Variants in ZNF780A observed in about 807,000 individuals in gnomAD.
ZNF780A encodes zinc finger protein 780A.
A neutral mutation model predicts 56.7 loss-of-function variants in ZNF780A; 40 were observed. That is an observed-to-expected ratio of 0.71 (90% confidence interval 0.55 to 0.92). The LOEUF is 0.92. Among genes scored for constraint, ZNF780A ranks in the 40% least tolerant of loss-of-function variants. The pLI is 0.00. For missense variants in ZNF780A, 672 were observed against 783.3 expected (o/e 0.86, Z 1.70); for synonymous variants, 231 against 248.3 (o/e 0.93, Z 0.66).
At position 40,075,235 on chromosome 19, in the gene ZNF780A, T is replaced by G. The variant is rs1403942395; in HGVS notation, c.1207A>C (p.Asn403His). 6.2e-7 allele frequency: 1 copy of G among 1,613,172 alleles called. No homozygotes were observed. The highest frequency in any genetic ancestry group is 2.2e-5 in the East Asian group (1 of 44,770). ...TGAATACTCTGATGTTGAACAAGGT[T>G]TGAGCTACGATTAAAGGACTTCCCA... is the stretch of plus-strand genomic sequence containing the variant. ...ECGKSFNRSS[N>H]LVQHQSIHAG... is the part of the protein sequence containing the mutation. Residue 403 changes from asparagine to histidine, a missense_variant, in exon 6 of 6, where the codon AAC becomes CAC. Asn to His is a moderately conservative substitution (Grantham distance 68). Transcript: ENST00000683561.
chr19:40,077,648 A>C (rs903266552), intron 5 of ZNF780A, among the ~76,000 whole-genome samples: 1 of 152,134 alleles, frequency 6.6e-6, no homozygotes, highest in East Asian at 1.9e-4. Flanking sequence ...ATAAAACTTC[A>C]CCATACCCTC....
At position 40,081,958 on chromosome 19, in the gene ZNF780A, T is replaced by A. The variant is rs75481568; in HGVS notation, c.137-44A>T. The A allele has an allele frequency of 1.4e-5, 13 of 945,810 alleles. No homozygotes were observed. In the African/African-American group the frequency reaches 2.3e-4, roughly 17 times the overall value. 58.6% of individuals were successfully genotyped at this position (945,810 alleles called of 1,614,324 possible). ...ACATGTAGAATTTTTTTAATACAGA[T>A]TTTTTTTTTTCAAATCTTTGTGACC... On this transcript the variant is annotated intron_variant, in intron 4 of 5. Coordinates refer to ENST00000683561, the MANE Select transcript of ZNF780A (RefSeq NM_001142578.2).
At chr19:40,089,142 T>C (rs1240306941) in intron 2 of ZNF780A, 3 of 929,714 alleles carry the variant, frequency 3.2e-6, no homozygotes, top group Non-Finnish European at 4.4e-6. Flanking sequence ...CAATATTCTG[T>C]AGTCTTGAAA....
In ZNF780A at chr19:40,074,742, C is replaced by T. The variant is rs376140698; in HGVS notation, c.1700G>A (p.Arg567Gln). 112 of 1,613,856 alleles carry T rather than the reference C, an allele frequency of 6.9e-5. 1 individual carries two copies. Among genetic ancestry groups the T allele is most frequent in the Non-Finnish European group, 8.4e-5 (99 of 1,179,928 alleles). ...ATGTCGAATAAGGTGCATATGAAGTCGAAAGGCTTTCCCACATTCCTTACA... is the reference window on the plus strand; with the variant it reads ...ATGTCGAATAAGGTGCATATGAAGTTGAAAGGCTTTCCCACATTCCTTACA... ...FECKECGKAF[R>Q]LHMHLIRHQK... Residue 567 changes from arginine to glutamine, a missense_variant, in exon 6 of 6, where the codon CGA becomes CAA. Coordinates refer to ENST00000683561, the MANE Select transcript of ZNF780A (RefSeq NM_001142578.2).
chr19:40,075,011 G>A lies in ZNF780A; in HGVS notation c.1431C>T (p.Asp477=), dbSNP rs1313739227. 3.7e-6 allele frequency: 6 copies of A among 1,613,390 alleles called. No homozygotes were observed. Among genetic ancestry groups the A allele is most frequent in the Admixed American group, 1.7e-5 (1 of 59,954 alleles). Residue 477 remains aspartate (D), a synonymous_variant, in exon 6 of 6, where the codon GAC becomes GAT. Coordinates refer to ENST00000683561, the MANE Select transcript of ZNF780A (RefSeq NM_001142578.2). ...HTGDKPFECQ[D]CGKAFNRGSS... is the part of the protein sequence containing the mutation. ...AGCCACGATTGAAGGCCTTCCCACA[G>A]TCTTGACATTCAAATGGCTTGTCAC...
downstream of ZNF780A, chr19:40,072,536 G>A (rs945912306): frequency 1.3e-4 from 25 of 195,364 alleles, no homozygotes; most frequent in African/African-American, 5.3e-4. Context: ...AGAGCACAGC[G>A]GGAGGGACAA....
chr19:40,082,064 A>T, intron 4 of ZNF780A, 150 bp from the exon 5 acceptor site: 1 of 505,944 alleles, frequency 2.0e-6, no homozygotes, highest in Non-Finnish European at 3.5e-6. Context: ...GAGTAAGAGA[A>T]CTCTTTTCTA....
intron 2 of ZNF780A, chr19:40,089,233 T>C (rs1974994731): frequency 7.1e-7 from 1 of 1,412,850 alleles, no homozygotes. Flanking sequence ...ATTAGCTAGA[T>C]TTAGTCATTC....
intron 2 of ZNF780A, among the ~76,000 whole-genome samples, chr19:40,085,753 G>C (rs575012324): frequency 2.0e-5 from 3 of 152,018 alleles, no homozygotes; most frequent in Non-Finnish European, 4.4e-5. Context: ...GGTGGTGCAT[G>C]CCTATAATCC....
Position 40,075,340 on chromosome 19 carries a change from T to C in ZNF780A, c.1102A>G (p.Lys368Glu). The C allele has an allele frequency of 6.2e-7, 1 of 1,614,068 alleles. No individual in the cohort carries two copies. The highest frequency in any genetic ancestry group is 1.1e-5 in the South Asian group (1 of 91,076). ...AGCTGGTTGAGAAGACTAAAGGCCT[T>C]CCCACATTCCCTGCATTCAAAGGGT... ...EKPFECRECG[K>E]AFSLLNQLNR... Residue 368 changes from lysine (K) to glutamate (E), a missense_variant, in exon 6 of 6, where the codon AAG (lysine) becomes GAG (glutamate). Physicochemically the swap from Lys to Glu is moderately conservative, Grantham distance 56. Coordinates refer to ENST00000683561, the MANE Select transcript of ZNF780A (RefSeq NM_001142578.2).
At chr19:40,081,957 ATT>A (rs34297473) in intron 4 of ZNF780A, 43 bp from the exon 5 acceptor site, 75 of 1,265,126 alleles carry the variant, frequency 5.9e-5, no homozygotes, top group Non-Finnish European at 7.1e-5. Context: ...TTTAATACAG[ATT>A]TTTTTTTTTC....
downstream of ZNF780A, chr19:40,071,409 C>G (rs924855050): frequency 2.0e-5 from 3 of 152,098 alleles, no homozygotes; most frequent in Non-Finnish European, 4.4e-5. Flanking sequence ...AGGTTCCAGA[C>G]AAAATAATCT....
chr19:40,070,789 T>C (rs1001571550), downstream of ZNF780A: 2 of 152,160 alleles, frequency 1.3e-5, no homozygotes, highest in African/African-American at 4.8e-5. Context: ...TGCATGATGA[T>C]AGAGTTTCAC....
chr19:40,075,222 T>G lies in ZNF780A; in HGVS notation c.1220A>C (p.His407Pro). The change falls in exon 6 of 6, where the codon CAT (histidine) becomes CCT (proline). Residue 407 changes from histidine (H) to proline (P), a missense_variant. Physicochemically the swap from His to Pro is moderately conservative, Grantham distance 77. Coordinates refer to ENST00000683561, the MANE Select transcript of ZNF780A (RefSeq NM_001142578.2). ...SFNRSSNLVQ[H>P]QSIHAGIKPY... ...TTTTATACCAGCATGAATACTCTGA[T>G]GTTGAACAAGGTTTGAGCTACGATT... is the stretch of plus-strand genomic sequence containing the variant. The G allele has an allele frequency of 1.9e-6, 3 of 1,613,562 alleles. No homozygotes were observed. The highest frequency in any genetic ancestry group is 2.5e-6 in the Non-Finnish European group (3 of 1,179,904).
In ZNF780A at chr19:40,073,537, T is replaced by A; in HGVS notation, c.*979A>T. On this transcript the variant is annotated 3_prime_UTR_variant, in exon 6 of 6. Transcript: ENST00000683561. ...CAATTCAGCGAGGTATGCCTGTATC[T>A]GGTAAATTATTTCATAGGGAGTACA... The A allele has an allele frequency of 1.0e-6, 1 of 985,912 alleles. No homozygotes were observed. Among genetic ancestry groups the A allele is most frequent in the Non-Finnish European group, 1.2e-6 (1 of 830,362 alleles). The allele number at this position is 985,912 out of a possible 1,614,324, so 61.1% of individuals were successfully genotyped here. A position where few individuals can be genotyped will look rare whatever the true frequency, so the allele number is the denominator to read the frequency against.
In ZNF780A at chr19:40,081,532, TA is replaced by T. The variant is rs879347603; in HGVS notation, c.232+286del. On this transcript the variant is annotated intron_variant, in intron 5 of 5. Coordinates refer to ENST00000683561, the MANE Select transcript of ZNF780A (RefSeq NM_001142578.2). ...TGCAGGACAGAGCAAGATTCCACCT[TA>T]AAAAAAAAAAAAAAGTTTACCCTGG... Among the ~76,000 whole-genome samples the T allele has an allele frequency of 3.1e-3, 395 of 129,142 alleles. 1 individual carries two copies. The highest frequency in any genetic ancestry group is 7.6e-3 in the Middle Eastern group (2 of 262). The allele number at this position is 129,142 out of a possible 152,430, so 84.7% of individuals were successfully genotyped here. A position where few individuals can be genotyped will look rare whatever the true frequency, so the allele number is the denominator to read the frequency against.
intron 2 of ZNF780A, among the ~76,000 whole-genome samples, chr19:40,086,749 C>T (rs930015293): frequency 3.3e-5 from 5 of 152,142 alleles, no homozygotes; most frequent in African/African-American, 1.2e-4. Flanking sequence ...GTCACCCAGG[C>T]TGGAGTGCTG....
intron 3 of ZNF780A, among the ~76,000 whole-genome samples, chr19:40,084,225 C>T (rs1974654168): frequency 6.6e-6 from 1 of 152,088 alleles, no homozygotes. Flanking sequence ...TCTGTAATCA[C>T]CTATCATTCA....
downstream of ZNF780A, chr19:40,071,730 C>T (rs1452000124): frequency 6.6e-6 from 1 of 152,384 alleles, no homozygotes; most frequent in African/African-American, 2.4e-5. Flanking sequence ...TGTTTTCTGA[C>T]AGTGAAATAT....
Sources: gnomAD v4.1 joint callset for allele counts (sites outside exome capture counted in the v4.1 genomes callset) on GRCh38, gnomAD v4.1.1 for gene constraint, MANE v1.5 for transcripts, NCBI Gene and HGNC (gene_info 2026-07-23, HGNC 2026-07-21) for gene names.